The following PRAMEF25 variants were observed in gnomAD, a reference collection of about 807,000 sequenced individuals.
PRAMEF25 encodes PRAME family member 25.
exon 4 of PRAMEF25, chr1:13,077,824 G>A (rs374174243): frequency 0.039 from 10 of 256 alleles, no homozygotes; most frequent in South Asian, 0.14. Flanking sequence ...AATACATGAG[G>A]GAGTTACTCT....
chr1:13,070,986 G>C (rs1642342483), intron 1 of PRAMEF25, 79 bp downstream of exon 1: 1 of 124,842 alleles, frequency 8.0e-6, no homozygotes, highest in Admixed American at 9.0e-5. Flanking sequence ...TGCAGCCTAC[G>C]ATGGCACAGA....
At chr1:13,071,888 C>CAATCT (rs1642353270) in intron 1 of PRAMEF25, 11 of 2,116 alleles carry the variant, frequency 5.2e-3, no homozygotes, top group Non-Finnish European at 8.3e-3. Flanking sequence ...ATCTTGGAGG[C>CAATCT]TGAGGTAACA....
At chr1:13,071,010 CT>C (rs1219570749) in intron 1 of PRAMEF25, 103 bp downstream of exon 1, 1 of 121,110 alleles carries the variant, frequency 8.3e-6, no homozygotes, top group Non-Finnish European at 1.9e-5. Context: ...ATATCCTGTC[CT>C]TTTTTTTTTT....
chr1:13,076,574 C>T (rs980223015), intron 3 of PRAMEF25: 3 of 176,174 alleles, frequency 1.7e-5, no homozygotes, highest in Non-Finnish European at 2.9e-5. Context: ...ATGATCTCTG[C>T]TCACTGCAAC....
At chr1:13,071,020 T>C (rs1642342803) in intron 1 of PRAMEF25, 113 bp downstream of exon 1, 1 of 130,286 alleles carries the variant, frequency 7.7e-6, no homozygotes, top group African/African-American at 2.5e-5. Flanking sequence ...CTTTTTTTTT[T>C]TCATATGAAC....
chr1:13,071,456 A>G (rs1278087953), intron 1 of PRAMEF25: 1 of 93,126 alleles, frequency 1.1e-5, no homozygotes, highest in Non-Finnish European at 2.2e-5. Flanking sequence ...GGGTTTCACC[A>G]TGCTGGCCAG....
chr1:13,071,062 A>G lies in PRAMEF25; in HGVS notation c.-17+155A>G, dbSNP rs1222526521. The G allele has an allele frequency of 1.6e-3, 217 of 139,112 alleles. 1 individual carries two copies. Among genetic ancestry groups the G allele is most frequent in the African/African-American group, 4.8e-3 (196 of 40,540 alleles). 8.6% of individuals were successfully genotyped at this position (139,112 alleles called of 1,614,324 possible). A position where few individuals can be genotyped will look rare whatever the true frequency, so the allele number is the denominator to read the frequency against. On this transcript the variant is annotated intron_variant, in intron 1 of 3. Coordinates refer to ENST00000619661, the Ensembl canonical transcript of PRAMEF25. Reference sequence around the variant, plus strand: ...AAGCTTTGAATGTTTTCCTCTAAATACAGTTCTGTCTTTATTTCAAAAAAG... The same window carrying G: ...AAGCTTTGAATGTTTTCCTCTAAATGCAGTTCTGTCTTTATTTCAAAAAAG...
chr1:13,071,476 A>C (rs1425800750), intron 1 of PRAMEF25: 1 of 94,624 alleles, frequency 1.1e-5, no homozygotes, highest in Non-Finnish European at 2.2e-5. Context: ...GTTTGGTCTC[A>C]AACGCCTGAC....
chr1:13,076,587 A>G lies in PRAMEF25; in HGVS notation c.876-404A>G, dbSNP rs1262686088. 1.1e-5 allele frequency: 2 copies of G among 188,670 alleles called. 1 individual carries two copies. Among genetic ancestry groups the G allele is most frequent in the African/African-American group, 1.4e-4 (2 of 14,538 alleles). The allele number at this position is 188,670 out of a possible 1,614,324, so 11.7% of individuals were successfully genotyped here. On this transcript the variant is annotated intron_variant, in intron 3 of 3. Transcript: ENST00000619661. ...GCATGATCTCTGCTCACTGCAACCT[A>G]CACCTCCTGGGTTCAAGCGATTCTT...
At chr1:13,076,700 GC>G (rs1642390562) in intron 3 of PRAMEF25, 1 of 306,714 alleles carries the variant, frequency 3.3e-6, no homozygotes, top group South Asian at 3.9e-5. Flanking sequence ...AGGAGGTTTT[GC>G]CATGTTCAGC....
In PRAMEF25 at chr1:13,071,021, T is replaced by C. The variant is rs1267611040; in HGVS notation, c.-17+114T>C. On this transcript the variant is annotated intron_variant, in intron 1 of 3. Transcript: ENST00000619661. ...AGCTATATCCTGTCCTTTTTTTTTT[T>C]CATATGAACAATTTGAAGCTTTGAA... The C allele has an allele frequency of 2.3e-3, 301 of 129,198 alleles. 10 individuals carry two copies. Among genetic ancestry groups the C allele is most frequent in the African/African-American group, 7.0e-3 (279 of 39,994 alleles). 8.0% of individuals were successfully genotyped at this position (129,198 alleles called of 1,614,324 possible). A position where few individuals can be genotyped will look rare whatever the true frequency, so the allele number is the denominator to read the frequency against.
At chr1:13,071,331 A>T (rs1453046423) in intron 1 of PRAMEF25, 1 of 86,676 alleles carries the variant, frequency 1.2e-5, no homozygotes, top group East Asian at 3.9e-4. Context: ...ACTCACTGTA[A>T]CCTTTACCTC....
exon 1 of PRAMEF25, chr1:13,070,880 A>G (rs1642341440): frequency 8.1e-6 from 1 of 123,992 alleles, no homozygotes; most frequent in African/African-American, 2.6e-5. Context: ...CTGAGGTCTG[A>G]GCACCTTCTA....
intron 3 of PRAMEF25, chr1:13,076,423 G>C (rs1570016062): frequency 1.7e-5 from 1 of 57,410 alleles, no homozygotes; most frequent in East Asian, 4.9e-4. Context: ...GATGAGGAAA[G>C]GGAGCTTTAG....
intron 1 of PRAMEF25, chr1:13,071,160 C>A (rs1169023779): frequency 7.7e-6 from 1 of 129,880 alleles, no homozygotes; most frequent in African/African-American, 2.6e-5. Flanking sequence ...AACCCCAACA[C>A]TTTGGGAGGC....
chr1:13,071,238 TC>T (rs1642345727), intron 1 of PRAMEF25: 1 of 80,638 alleles, frequency 1.2e-5, no homozygotes, highest in Non-Finnish European at 2.8e-5. Flanking sequence ...AAAACCCTCC[TC>T]TACACAACGT....
At chr1:13,071,502 T>A (rs1642351559) in intron 1 of PRAMEF25, 1 of 93,922 alleles carries the variant, frequency 1.1e-5, no homozygotes, top group Non-Finnish European at 2.2e-5. Context: ...GTGATCCACC[T>A]GCCTTGGCCT....
chr1:13,076,534 T>C lies in PRAMEF25; in HGVS notation c.876-457T>C, dbSNP rs2982170. 1.8e-3 allele frequency: 256 copies of C among 138,808 alleles called. 10 individuals are homozygous for C. Among genetic ancestry groups the C allele is most frequent in the African/African-American group, 0.014 (243 of 17,558 alleles). 8.6% of individuals were successfully genotyped at this position (138,808 alleles called of 1,614,324 possible). ...TTTTTTTTTTTTAATGCGGAGTCTC[T>C]CTCTGTCACCCAGGCTGGAGTGTAG... On this transcript the variant is annotated intron_variant, in intron 3 of 3. Transcript: ENST00000619661.
At position 13,076,303 on chromosome 1, in the gene PRAMEF25, TG is replaced by T. The variant is rs1386152055; in HGVS notation, c.876-687del. The T allele has an allele frequency of 2.3e-4, 4 of 17,464 alleles. No individual in the cohort carries two copies. The East Asian group carries it at 5.7e-3, about 25-fold the overall frequency. The allele number at this position is 17,464 out of a possible 1,614,324, so 1.1% of individuals were successfully genotyped here. On this transcript the variant is annotated intron_variant, in intron 3 of 3. Coordinates refer to ENST00000619661, the Ensembl canonical transcript of PRAMEF25. ...ATGATACAGGCGTGTCAGGGACGCC[TG>T]CAGCCCGCCCACCCCAGCTGATGTT...
Sources: gnomAD v4.1 joint callset for allele counts on GRCh38, gnomAD v4.1.1 for gene constraint, MANE v1.5 for transcripts, NCBI Gene and HGNC (gene_info 2026-07-23, HGNC 2026-07-21) for gene names.